Variants in SH3PXD2B observed in about 807,000 individuals in gnomAD.
SH3PXD2B encodes the protein SH3 and PX domains 2B, also known as SH3 and PX domain-containing protein 2B.
In SH3PXD2B, 37 loss-of-function variants were observed where a neutral mutation model predicts 73.1. The observed-to-expected ratio is 0.51, with a 90% confidence interval of 0.39 to 0.67. The LOEUF (loss-of-function observed/expected upper bound fraction) is 0.67. Ranked by LOEUF, SH3PXD2B falls within the 30% of genes least tolerant of loss-of-function variation. The probability of loss-of-function intolerance (pLI) is 0.00; values close to 1 mark genes in which losing one functional copy is unlikely to be tolerated. For synonymous variants in SH3PXD2B, 457 were observed against 480.5 expected (o/e 0.95, Z 0.64); for missense variants, 1,053 against 1,197.8 (o/e 0.88, Z 1.78).
chr5:172,368,513 A>T (rs867283054), intron 6 of SH3PXD2B, among the ~76,000 whole-genome samples: 5 of 25,274 alleles, frequency 2.0e-4, no homozygotes, highest in East Asian at 2.5e-3. Context: ...TATATATATA[A>T]AATATATATA....
At chr5:172,432,787 C>CT (rs1374693261) in intron 1 of SH3PXD2B, among the ~76,000 whole-genome samples, 1 of 152,062 alleles carries the variant, frequency 6.6e-6, no homozygotes, top group Non-Finnish European at 1.5e-5. Context: ...TGGTGCATGC[C>CT]TGTAATTCCA....
chr5:172,358,844 C>A lies in SH3PXD2B; in HGVS notation c.596G>T (p.Gly199Val). 6.2e-7 allele frequency: 1 copy of A among 1,614,062 alleles called. No individual in the cohort carries two copies. Among genetic ancestry groups the A allele is most frequent in the Non-Finnish European group, 8.5e-7 (1 of 1,179,982 alleles). Reference sequence around the variant, plus strand: ...TTCGAGGCACGTTGCAGGGACCCAGCCTTGCTCCTCGGCAGTGCTGACGAA... The same window carrying A: ...TTCGAGGCACGTTGCAGGGACCCAGACTTGCTCCTCGGCAGTGCTGACGAA... ...WWFVSTAEEQ[G>V]WVPATCLEGQ... The change falls in exon 8 of 13, where the codon GGC (glycine) becomes GTC (valine). Residue 199 changes from glycine (G) to valine (V), a missense_variant. Gly to Val is a moderately radical substitution (Grantham distance 109, BLOSUM62 -3). Around this residue, in one of 2 missense-constraint regions of SH3PXD2B, gnomAD observed 466 missense variants for 607.1 expected, o/e 0.77. Coordinates refer to ENST00000311601, the MANE Select transcript of SH3PXD2B (RefSeq NM_001017995.3).
chr5:172,380,627 A>T (rs1331785670), intron 5 of SH3PXD2B, among the ~76,000 whole-genome samples: 1 of 152,226 alleles, frequency 6.6e-6, no homozygotes, highest in East Asian at 1.9e-4. Flanking sequence ...CACGAGCGAA[A>T]CACCCCAAAT....
chr5:172,384,277 C>A (rs922195680), intron 4 of SH3PXD2B, among the ~76,000 whole-genome samples: 1 of 152,104 alleles, frequency 6.6e-6, no homozygotes, highest in African/African-American at 2.4e-5. Flanking sequence ...CAGTGTGGCA[C>A]CTTTTACAGG....
At chr5:172,368,882 A>AT (rs112629302) in intron 6 of SH3PXD2B, among the ~76,000 whole-genome samples, 48,100 of 130,914 alleles carry the variant, frequency 0.37, 9,167 homozygotes, top group East Asian at 0.66. Flanking sequence ...AATATATAAT[A>AT]TAAAAAAAAA....
intron 1 of SH3PXD2B, among the ~76,000 whole-genome samples, chr5:172,450,127 G>A (rs926349431): frequency 1.1e-4 from 17 of 152,180 alleles, no homozygotes; most frequent in Non-Finnish European, 2.4e-4. Context: ...CTGCATTGTG[G>A]TGACGGTTGC....
At chr5:172,346,627 C>T (rs1294242432) in intron 11 of SH3PXD2B, among the ~76,000 whole-genome samples, 7 of 152,098 alleles carry the variant, frequency 4.6e-5, no homozygotes, top group Admixed American at 4.6e-4. Flanking sequence ...GGGCAAATCA[C>T]CCCCTTCTGG....
In SH3PXD2B at chr5:172,381,673, T is replaced by G. The variant is rs140944946; in HGVS notation, c.401+363A>C. On this transcript the variant is annotated intron_variant, in intron 5 of 12. Transcript: ENST00000311601. ...GGTTTGGGTTGCTCCCGCATTCACA[T>G]CCCTGGCAGTTCCCGAGCACACCCA... Among the ~76,000 whole-genome samples, 8 of 152,234 alleles carry G rather than the reference T, an allele frequency of 5.3e-5. 1 individual carries two copies. Among genetic ancestry groups the G allele is most frequent in the African/African-American group, 1.9e-4 (8 of 41,540 alleles).
At chr5:172,348,548 G>A (rs146121454) in intron 10 of SH3PXD2B, among the ~76,000 whole-genome samples, 41 of 152,226 alleles carry the variant, frequency 2.7e-4, no homozygotes, top group African/African-American at 8.2e-4. Flanking sequence ...TATCTAGATC[G>A]TTTATTGGAT....
Position 172,454,293 on chromosome 5 carries a change from C to T in SH3PXD2B, c.60G>A (p.Val20=), listed in dbSNP as rs1330262601. 6.9e-6 allele frequency: 11 copies of T among 1,596,336 alleles called. No homozygotes were observed. The highest frequency in any genetic ancestry group is 8.5e-6 in the Non-Finnish European group (10 of 1,174,762). Residue 20 remains valine (V), a synonymous_variant, in exon 1 of 13, where the codon GTG becomes GTA. Transcript: ENST00000311601. ...VKVLDVQKRR[V]PNKHYVYIIR... Reference sequence around the variant, plus strand: ...CCGCACTCACATAATGCTTGTTGGGCACCCGCCGCTTCTGCACGTCTAGCA... The same window carrying T: ...CCGCACTCACATAATGCTTGTTGGGTACCCGCCGCTTCTGCACGTCTAGCA...
intron 1 of SH3PXD2B, among the ~76,000 whole-genome samples, chr5:172,451,736 G>T (rs558478971): frequency 6.6e-6 from 1 of 152,348 alleles, no homozygotes; most frequent in East Asian, 1.9e-4. Context: ...CCTGCCAATA[G>T]CTGCCTTCAT....
intron 1 of SH3PXD2B, among the ~76,000 whole-genome samples, chr5:172,444,795 C>T (rs2113513017): frequency 6.6e-6 from 1 of 152,254 alleles, no homozygotes; most frequent in Admixed American, 6.5e-5. Context: ...TGCTTCTGAG[C>T]ACCAGCTCCT....
Position 172,338,739 on chromosome 5 carries a change from C to T in SH3PXD2B, c.2366G>A (p.Arg789Lys), listed in dbSNP as rs745682374. ...RGPQCEGHES[R>K]AAPTPGRALL... Reference sequence around the variant, plus strand: ...AGCACGGCCTGGGGTGGGAGCTGCCCTGCTTTCGTGGCCTTCACACTGTGG... The same window carrying T: ...AGCACGGCCTGGGGTGGGAGCTGCCTTGCTTTCGTGGCCTTCACACTGTGG... Residue 789 changes from arginine to lysine, a missense_variant, in exon 13 of 13, where the codon AGG becomes AAG. Arg to Lys is a conservative substitution (Grantham distance 26). This residue lies in a region of SH3PXD2B where 587 missense variants were observed against 590.7 expected (regional missense o/e 0.99). Coordinates refer to ENST00000311601, the MANE Select transcript of SH3PXD2B (RefSeq NM_001017995.3). This position sits in a 1 kb window ranked among gnomAD's most constrained non-coding sequence, Gnocchi z 5.1. 1.2e-5 allele frequency: 20 copies of T among 1,614,206 alleles called. No homozygotes were observed. In the South Asian group the frequency reaches 2.2e-4, roughly 18 times the overall value.
At chr5:172,410,480 T>C (rs559957371) in intron 2 of SH3PXD2B, among the ~76,000 whole-genome samples, 2 of 152,236 alleles carry the variant, frequency 1.3e-5, no homozygotes, top group East Asian at 1.9e-4. Flanking sequence ...CAGCACATAG[T>C]AGATGCTCAA....
rs1756799907 is a variant in SH3PXD2B at position 172,339,513 on chromosome 5, T to C, written c.1592A>G (p.Lys531Arg). The C allele has an allele frequency of 1.9e-6, 3 of 1,614,058 alleles. No homozygotes were observed. The highest frequency in any genetic ancestry group is 8.5e-7 in the Non-Finnish European group (1 of 1,179,972). The change falls in exon 13 of 13, where the codon AAG (lysine) becomes AGG (arginine). Residue 531 changes from lysine (K) to arginine (R), a missense_variant. Physicochemically the swap from Lys to Arg is conservative, Grantham distance 26. This residue lies in a region of SH3PXD2B where 587 missense variants were observed against 590.7 expected (regional missense o/e 0.99). Transcript: ENST00000311601. The surrounding 1 kb of genome is among the most constrained non-coding windows in gnomAD (Gnocchi z 6.1). ...SLPPRKESIIKSEGELLERER... is the reference protein window; with the variant it reads ...SLPPRKESIIRSEGELLERER... Reference sequence around the variant, plus strand: ...CCGCTCCAGCAGCTCCCCCTCCGACTTGATGATGGATTCTTTCCGCGGAGG... The same window carrying C: ...CCGCTCCAGCAGCTCCCCCTCCGACCTGATGATGGATTCTTTCCGCGGAGG...
intron 2 of SH3PXD2B, among the ~76,000 whole-genome samples, chr5:172,420,033 C>T (rs1288367192): frequency 6.6e-6 from 1 of 152,202 alleles, no homozygotes; most frequent in Non-Finnish European, 1.5e-5. Flanking sequence ...CATTCATTCT[C>T]AGCCAGGACT....
Position 172,336,626 on chromosome 5 carries a change from G to A in SH3PXD2B, c.*1743C>T. The A allele has an allele frequency of 1.0e-6, 1 of 982,364 alleles. No individual in the cohort carries two copies. Among genetic ancestry groups the A allele is most frequent in the Admixed American group, 6.3e-5 (1 of 15,766 alleles). 60.9% of individuals were successfully genotyped at this position (982,364 alleles called of 1,614,324 possible). A position where few individuals can be genotyped will look rare whatever the true frequency, so the allele number is the denominator to read the frequency against. On this transcript the variant is annotated 3_prime_UTR_variant, in exon 13 of 13. Transcript: ENST00000311601. ...CACTGAGCATCCCCCCAAAAAACTG[G>A]CTTTGTGGGTCCAAAAGTATCTCGC...
Position 172,334,447 on chromosome 5 carries a change from G to C in SH3PXD2B, c.*3922C>G, listed in dbSNP as rs758488333. On this transcript the variant is annotated 3_prime_UTR_variant, in exon 13 of 13. Coordinates refer to ENST00000311601, the MANE Select transcript of SH3PXD2B (RefSeq NM_001017995.3). ...ACAGTCTGACACGAGGTCATCTTTGGTCTGTGGTGAGGTATGGATGTCTGC... is the reference window on the plus strand; with the variant it reads ...ACAGTCTGACACGAGGTCATCTTTGCTCTGTGGTGAGGTATGGATGTCTGC... 1.4e-4 allele frequency: 142 copies of C among 987,592 alleles called. No homozygotes were observed. Among genetic ancestry groups the C allele is most frequent in the Non-Finnish European group, 1.6e-4 (136 of 831,802 alleles). 61.2% of individuals were successfully genotyped at this position (987,592 alleles called of 1,614,324 possible). A position where few individuals can be genotyped will look rare whatever the true frequency, so the allele number is the denominator to read the frequency against.
chr5:172,346,323 G>C, intron 11 of SH3PXD2B, 62 bp from the exon 12 acceptor site: 1 of 1,609,264 alleles, frequency 6.2e-7, no homozygotes, highest in Non-Finnish European at 8.5e-7. Context: ...CCCTGTGTCA[G>C]GGGGAGTCTA....
Sources: gnomAD v4.1 joint callset for allele counts (sites outside exome capture counted in the v4.1 genomes callset) on GRCh38, gnomAD v4.1.1 for gene constraint, gnomAD v4.1.1 regional missense constraint, Gnocchi (gnomAD v3.1) non-coding constraint, MANE v1.5 for transcripts, NCBI Gene and HGNC (gene_info 2026-07-23, HGNC 2026-07-21) for gene names.